The following GRID2 variants were observed in gnomAD, a reference collection of about 807,000 sequenced individuals.
GRID2 encodes the protein glutamate receptor ionotropic, delta-2.
In GRID2, 33 loss-of-function variants were observed where a neutral mutation model predicts 114.8. The ratio of observed to expected loss-of-function variants is 0.29; its 90% CI spans 0.22 to 0.38. GRID2 has a LOEUF of 0.38. Among genes scored for constraint, GRID2 ranks in the 10% least tolerant of loss-of-function variants. The pLI is 1.00. For missense variants in GRID2, 1,184 were observed against 1,257.7 expected (o/e 0.94, Z 0.89); for synonymous variants, 505 against 449.9 (o/e 1.12, Z -1.55).
intron 2 of GRID2, among the ~76,000 whole-genome samples, chr4:92,940,602 A>C (rs1244493763): frequency 6.6e-6 from 1 of 152,030 alleles, no homozygotes; most frequent in Non-Finnish European, 1.5e-5. Context: ...TTCCAACACT[A>C]TTTTGAATAG....
intron 14 of GRID2, among the ~76,000 whole-genome samples, chr4:93,768,710 C>A (rs1733874743): frequency 6.6e-6 from 1 of 152,186 alleles, no homozygotes; most frequent in Non-Finnish European, 1.5e-5. Context: ...AATTGAATTT[C>A]TTTGTGTGTA....
chr4:92,998,755 C>T (rs1755357593), intron 2 of GRID2, among the ~76,000 whole-genome samples: 1 of 149,702 alleles, frequency 6.7e-6, no homozygotes, highest in Admixed American at 6.7e-5. Flanking sequence ...ATTTCTTTTT[C>T]TTCTAAAACC....
chr4:93,661,588 C>T lies in GRID2; in HGVS notation c.2360+35153C>T, dbSNP rs1723497487. On this transcript the variant is annotated intron_variant, in intron 14 of 15. Transcript: ENST00000282020. ...ATATATTAAATAAGCCTTCTATAAACAGAAACATGCATAAAACAAGTTTAC... is the reference window on the plus strand; with the variant it reads ...ATATATTAAATAAGCCTTCTATAAATAGAAACATGCATAAAACAAGTTTAC... 2.6e-5 allele frequency among the ~76,000 whole-genome samples: 4 copies of T among 152,092 alleles called. No individual in the cohort carries two copies. The South Asian group carries it at 8.3e-4, about 32-fold the overall frequency.
chr4:92,595,440 A>AAT (rs1325889686), intron 2 of GRID2, among the ~76,000 whole-genome samples: 7 of 151,928 alleles, frequency 4.6e-5, no homozygotes, highest in Non-Finnish European at 1.0e-4. Flanking sequence ...TGATATTTTT[A>AAT]ATATATATAA....
chr4:93,578,000 A>G (rs1425281061), intron 13 of GRID2, among the ~76,000 whole-genome samples: 1 of 152,166 alleles, frequency 6.6e-6, no homozygotes, highest in African/African-American at 2.4e-5. Context: ...AGGAGATGGC[A>G]TTTTTCTCAT....
At chr4:92,913,387 C>A (rs769024825) in intron 2 of GRID2, among the ~76,000 whole-genome samples, 1 of 151,774 alleles carries the variant, frequency 6.6e-6, no homozygotes, top group Non-Finnish European at 1.5e-5. Context: ...ATTATTGTTA[C>A]GTTTTTGTCT....
chr4:93,616,732 T>A lies in GRID2; in HGVS notation c.2194-9537T>A, dbSNP rs1394825844. Among the ~76,000 whole-genome samples the A allele has an allele frequency of 2.0e-5, 3 of 151,472 alleles. No individual in the cohort carries two copies. The East Asian group carries it at 5.8e-4, about 29-fold the overall frequency. ...ATCTGGACAAAATATCAGTAAACTT[T>A]TGCTTTATGTTTTCTGCAGTTTTAT... On this transcript the variant is annotated intron_variant, in intron 13 of 15. Coordinates refer to ENST00000282020, the MANE Select transcript of GRID2 (RefSeq NM_001510.4).
At position 93,413,646 on chromosome 4, in the gene GRID2, A is replaced by C. The variant is rs963262240; in HGVS notation, c.1348-9125A>C. Among the ~76,000 whole-genome samples the C allele has an allele frequency of 3.3e-5, 5 of 152,208 alleles. 1 individual carries two copies. Among genetic ancestry groups the C allele is most frequent in the Admixed American group, 3.3e-4 (5 of 15,284 alleles). On this transcript the variant is annotated intron_variant, in intron 9 of 15. Coordinates refer to ENST00000282020, the MANE Select transcript of GRID2 (RefSeq NM_001510.4). ...ATTTGTATTCCCCAAAGGTATGTTA[A>C]GAGAGCAAAACAATAAATAATTCAC...
At chr4:92,680,149 A>G (rs945039843) in intron 2 of GRID2, among the ~76,000 whole-genome samples, 2 of 152,204 alleles carry the variant, frequency 1.3e-5, no homozygotes, top group African/African-American at 2.4e-5. Context: ...GAGTCTAGCA[A>G]ATTGTGAATG....
intron 2 of GRID2, among the ~76,000 whole-genome samples, chr4:92,922,322 G>C (rs868277604): frequency 6.6e-6 from 1 of 152,042 alleles, no homozygotes; most frequent in African/African-American, 2.4e-5. Context: ...ACCCTGCTTC[G>C]GCTCATGTTT....
intron 2 of GRID2, among the ~76,000 whole-genome samples, chr4:92,951,236 T>G (rs550742292): frequency 6.6e-6 from 1 of 152,118 alleles, no homozygotes; most frequent in African/African-American, 2.4e-5. Context: ...CCTTAAGTTT[T>G]CTACTTATTA....
At chr4:93,321,655 G>GT (rs924783704) in intron 8 of GRID2, among the ~76,000 whole-genome samples, 41 of 151,048 alleles carry the variant, frequency 2.7e-4, no homozygotes, top group Admixed American at 5.9e-4. Context: ...ACAGTTGTCA[G>GT]TTTTTTTTTC....
intron 1 of GRID2, among the ~76,000 whole-genome samples, chr4:92,413,265 A>G (rs933742526): frequency 1.3e-5 from 2 of 152,110 alleles, no homozygotes; most frequent in African/African-American, 2.4e-5. Flanking sequence ...AGCATTTCCT[A>G]TATTTTCATT....
At chr4:93,254,774 T>C (rs1434432909) in intron 8 of GRID2, among the ~76,000 whole-genome samples, 1 of 152,268 alleles carries the variant, frequency 6.6e-6, no homozygotes, top group African/African-American at 2.4e-5. Context: ...CTTTCTCTCA[T>C]GTAAAGTGTT....
intron 1 of GRID2, among the ~76,000 whole-genome samples, chr4:92,320,244 C>A (rs1726238842): frequency 6.6e-6 from 1 of 152,086 alleles, no homozygotes; most frequent in Admixed American, 6.5e-5. Context: ...GTGGTCAATT[C>A]TATTTTGACC....
At chr4:92,393,358 G>A (rs141855730) in intron 1 of GRID2, among the ~76,000 whole-genome samples, 3 of 152,248 alleles carry the variant, frequency 2.0e-5, no homozygotes, top group East Asian at 1.9e-4. Flanking sequence ...ATAGAATGAT[G>A]CAGTGTAATC....
intron 14 of GRID2, among the ~76,000 whole-genome samples, chr4:93,729,281 A>T (rs1730256883): frequency 6.6e-6 from 1 of 152,176 alleles, no homozygotes; most frequent in South Asian, 2.1e-4. Context: ...GCTGAATAAA[A>T]TATCAAGTTC....
chr4:93,739,671 C>T lies in GRID2; in HGVS notation c.2361-29539C>T, dbSNP rs1199174216. On this transcript the variant is annotated intron_variant, in intron 14 of 15. Transcript: ENST00000282020. ...ATGATGCCGTTTCTCTCACCCCACC[C>T]GGCTAAGGTGAGAGCACCTGGTAAC... Among the ~76,000 whole-genome samples, 4 of 152,284 alleles carry T rather than the reference C, an allele frequency of 2.6e-5. No homozygotes were observed. In the South Asian group the frequency reaches 8.3e-4, roughly 32 times the overall value.
intron 2 of GRID2, among the ~76,000 whole-genome samples, chr4:92,945,925 A>G (rs1171498533): frequency 2.6e-5 from 4 of 152,086 alleles, no homozygotes; most frequent in East Asian, 1.9e-4. Flanking sequence ...TCTGGCTGCA[A>G]CTACTTGCAC....
Sources: gnomAD v4.1 joint callset for allele counts (sites outside exome capture counted in the v4.1 genomes callset) on GRCh38, gnomAD v4.1.1 for gene constraint, MANE v1.5 for transcripts, NCBI Gene and HGNC (gene_info 2026-07-23, HGNC 2026-07-21) for gene names.